Variants in WWC2 observed in about 807,000 individuals in gnomAD.
WWC2 encodes the protein WW and C2 domain containing 2, also known as protein WWC2.
WWC2 carries 101 observed loss-of-function variants against 138.5 expected under a neutral mutation model. The ratio of observed to expected loss-of-function variants is 0.73; its 90% CI spans 0.62 to 0.86. The LOEUF (loss-of-function observed/expected upper bound fraction) is 0.86. WWC2 is among the 40% of genes least tolerant of loss of function. WWC2 has a pLI of 0.00. For missense variants in WWC2, 1,420 were observed against 1,419.4 expected, an observed-to-expected ratio of 1.00 and a Z score of -0.01; for synonymous variants, 558 against 538.4, an observed-to-expected ratio of 1.04 and a Z score of -0.50.
At chr4:183,167,595 C>T (rs1179287270) in intron 1 of WWC2, among the ~76,000 whole-genome samples, 1 of 152,032 alleles carries the variant, frequency 6.6e-6, no homozygotes, top group Non-Finnish European at 1.5e-5. Context: ...GGATGGTCCC[C>T]CTAGCTTTGA....
At chr4:183,205,520 T>C (rs1471643710) in intron 2 of WWC2, among the ~76,000 whole-genome samples, 1 of 152,230 alleles carries the variant, frequency 6.6e-6, no homozygotes, top group East Asian at 1.9e-4. Flanking sequence ...TTTATGTTGG[T>C]AACATTATAG....
At chr4:183,226,131 T>C (rs979591244) in intron 4 of WWC2, among the ~76,000 whole-genome samples, 3 of 148,722 alleles carry the variant, frequency 2.0e-5, no homozygotes, top group South Asian at 2.1e-4. Flanking sequence ...GGGTCTCGGC[T>C]CTGTCATTCA....
At chr4:183,164,312 TATATATACATATATATATATATA>T (rs1734054945) in intron 1 of WWC2, among the ~76,000 whole-genome samples, 1 of 136,506 alleles carries the variant, frequency 7.3e-6, no homozygotes, top group Non-Finnish European at 1.5e-5. Flanking sequence ...ATATATATAT[TATATATACATATATATATATATA>T]TACATATATA....
chr4:183,101,088 A>C (rs1393716269), intron 1 of WWC2, among the ~76,000 whole-genome samples: 3 of 152,234 alleles, frequency 2.0e-5, no homozygotes, highest in Non-Finnish European at 4.4e-5. Flanking sequence ...CTGTATAAAT[A>C]TTTGACTTTT....
intron 4 of WWC2, among the ~76,000 whole-genome samples, chr4:183,230,537 CGCAGTG>C (rs1232146261): frequency 6.6e-6 from 1 of 152,126 alleles, no homozygotes; most frequent in Admixed American, 6.5e-5. Context: ...GTCAGTCAGG[CGCAGTG>C]GCGCACGCCT....
At chr4:183,203,052 G>A (rs1735345058) in intron 2 of WWC2, among the ~76,000 whole-genome samples, 2 of 152,084 alleles carry the variant, frequency 1.3e-5, no homozygotes, top group African/African-American at 4.8e-5. Flanking sequence ...TGACACACCT[G>A]AATTTGAACC....
At chr4:183,106,842 C>T (rs1020766422) in intron 1 of WWC2, among the ~76,000 whole-genome samples, 4 of 152,142 alleles carry the variant, frequency 2.6e-5, no homozygotes, top group Non-Finnish European at 5.9e-5. Context: ...GCATTTGGGT[C>T]ATTTCCACTC....
chr4:183,268,780 T>C (rs928493562), intron 14 of WWC2, among the ~76,000 whole-genome samples, 191 bp from the exon 15 acceptor site: 1 of 152,168 alleles, frequency 6.6e-6, no homozygotes, highest in African/African-American at 2.4e-5. Flanking sequence ...AGGGGCGTAG[T>C]CAGCTCGGGT....
chr4:183,259,806 T>G, intron 10 of WWC2, 78 bp downstream of exon 10: 2 of 1,014,574 alleles, frequency 2.0e-6, no homozygotes, highest in South Asian at 1.5e-5. Context: ...ACTTTTCACT[T>G]TATTTCCAAC....
chr4:183,261,333 GTCT>G lies in WWC2; in HGVS notation c.1717_1719del (p.Ser573del). 6 of 1,613,490 alleles carry G rather than the reference GTCT, an allele frequency of 3.7e-6. No homozygotes were observed. Among genetic ancestry groups the G allele is most frequent in the Non-Finnish European group, 5.1e-6 (6 of 1,179,728 alleles). On this transcript the variant is annotated inframe_deletion, in exon 11 of 23. Coordinates refer to ENST00000403733, the MANE Select transcript of WWC2 (RefSeq NM_024949.6). ...TGGTTTTGGAAGGCACGTTTCCCATGTCTTCTTCTCATGATGCCTCTCTCCATC... is the reference window on the plus strand; with the variant it reads ...TGGTTTTGGAAGGCACGTTTCCCATGTCTTCTCATGATGCCTCTCTCCATC...
chr4:183,210,188 A>T (rs1027337122), intron 4 of WWC2, among the ~76,000 whole-genome samples: 4 of 152,190 alleles, frequency 2.6e-5, no homozygotes, highest in African/African-American at 9.7e-5. Flanking sequence ...ATTATGCATT[A>T]TATGTGGAAC....
In WWC2 at chr4:183,157,284, AG is replaced by A. The variant is rs562953649; in HGVS notation, c.132-36313del. 7.9e-5 allele frequency among the ~76,000 whole-genome samples: 12 copies of A among 152,292 alleles called. No homozygotes were observed. In the South Asian group the frequency reaches 2.5e-3, roughly 32 times the overall value. On this transcript the variant is annotated intron_variant, in intron 1 of 22. Coordinates refer to ENST00000403733, the MANE Select transcript of WWC2 (RefSeq NM_024949.6). The stretch of plus-strand genomic sequence containing the variant: ...TGTCTGATATTTAAACATTAGATTC[AG>A]GTTATGCATTTTTGGCTGAAGTACG...
chr4:183,163,801 A>T (rs1734029882), intron 1 of WWC2, among the ~76,000 whole-genome samples: 1 of 152,194 alleles, frequency 6.6e-6, no homozygotes, highest in Non-Finnish European at 1.5e-5. Flanking sequence ...AGGTCATAAT[A>T]CAAAAGTGAT....
chr4:183,291,759 T>C (rs1447239231), intron 21 of WWC2, among the ~76,000 whole-genome samples: 7 of 151,850 alleles, frequency 4.6e-5, no homozygotes, highest in Admixed American at 2.0e-4. Context: ...TTGCATTTCA[T>C]TTTTTTTGAC....
rs1348928751 is a variant in WWC2, at chr4:183,261,495, T to G, written c.1872T>G (p.Asn624Lys). 6.2e-7 allele frequency: 1 copy of G among 1,612,934 alleles called. No homozygotes were observed. Reference sequence around the variant, plus strand: ...CTCTTTCAGAGGATAAAGACCTTAATGAATGTGCTAGGGAGCCATTATATG... The same window carrying G: ...CTCTTTCAGAGGATAAAGACCTTAAGGAATGTGCTAGGGAGCCATTATATG... ...SQSLSEDKDL[N>K]ECAREPLYEG... is the part of the protein sequence containing the mutation. The change falls in exon 11 of 23, where the codon AAT becomes AAG. Residue 624 changes from asparagine (N) to lysine (K), a missense_variant. Transcript: ENST00000403733.
intron 1 of WWC2, among the ~76,000 whole-genome samples, chr4:183,185,606 T>C (rs1734767424): frequency 6.6e-6 from 1 of 152,212 alleles, no homozygotes; most frequent in Non-Finnish European, 1.5e-5. Flanking sequence ...TTTCCTTTTA[T>C]TCGTAACTAG....
chr4:183,286,236 G>T (rs964666554), intron 20 of WWC2, among the ~76,000 whole-genome samples, 177 bp downstream of exon 20: 5 of 152,238 alleles, frequency 3.3e-5, no homozygotes, highest in South Asian at 2.1e-4. Flanking sequence ...GAGATGGGGG[G>T]GTGTGAGGGC....
Position 183,150,783 on chromosome 4 carries a change from G to A in WWC2, c.132-42816G>A, listed in dbSNP as rs567978137. Among the ~76,000 whole-genome samples the A allele has an allele frequency of 3.3e-5, 5 of 152,014 alleles. No individual in the cohort carries two copies. In the East Asian group the frequency reaches 9.7e-4, roughly 29 times the overall value. ...CTATGAGTGAGAACATGCAGTGTTT[G>A]GTTTTCTGTCCTTGCGAAAACCAAA... On this transcript the variant is annotated intron_variant, in intron 1 of 22. Transcript: ENST00000403733.
intron 1 of WWC2, among the ~76,000 whole-genome samples, chr4:183,154,844 T>C (rs1252041070): frequency 1.3e-5 from 2 of 152,120 alleles, no homozygotes; most frequent in Admixed American, 6.5e-5. Flanking sequence ...TGGGTTGGGC[T>C]CAGAACCGCT....
Sources: gnomAD v4.1 joint callset for allele counts (sites outside exome capture counted in the v4.1 genomes callset) on GRCh38, gnomAD v4.1.1 for gene constraint, MANE v1.5 for transcripts, NCBI Gene and HGNC (gene_info 2026-07-23, HGNC 2026-07-21) for gene names.